GATB: variants seen among roughly 807,000 people sequenced by gnomAD.
GATB encodes the protein glutamyl-tRNA amidotransferase subunit B.
A neutral mutation model predicts 62.3 loss-of-function variants in GATB; 39 were observed. The ratio of observed to expected loss-of-function variants is 0.63; its 90% CI spans 0.48 to 0.82. The LOEUF (loss-of-function observed/expected upper bound fraction) is 0.82. Among genes scored for constraint, GATB ranks in the 40% least tolerant of loss-of-function variants. The probability of loss-of-function intolerance (pLI) is 0.00; values close to 1 mark genes in which losing one functional copy is unlikely to be tolerated. For missense variants in GATB, 670 were observed against 684.0 expected (o/e 0.98, Z 0.23); for synonymous variants, 276 against 258.9 (o/e 1.07, Z -0.63).
intron 7 of GATB, 82 bp from the exon 8 acceptor site, chr4:151,703,977 T>C (rs1372600374): frequency 1.1e-6 from 1 of 893,420 alleles, no homozygotes; most frequent in Non-Finnish European, 1.8e-6. Context: ...CCCCTACCAA[T>C]AAGGGGCACA....
Position 151,761,001 on chromosome 4 carries a change from G to C in GATB, c.-19C>G, listed in dbSNP as rs751652972. Reference sequence around the variant, plus strand: ...CCGCCATTGTAACTCCAGGGTCTTGGTCAGGTGACTCAGCCTCACTATGCC... The same window carrying C: ...CCGCCATTGTAACTCCAGGGTCTTGCTCAGGTGACTCAGCCTCACTATGCC... On this transcript the variant is annotated 5_prime_UTR_variant, in exon 1 of 13. Transcript: ENST00000263985. 1.9e-6 allele frequency: 3 copies of C among 1,596,244 alleles called. No homozygotes were observed. In the East Asian group the frequency reaches 6.7e-5, roughly 36 times the overall value.
chr4:151,701,712 C>G (rs150700088), intron 8 of GATB, among the ~76,000 whole-genome samples, 194 bp from the exon 9 acceptor site: 7 of 152,302 alleles, frequency 4.6e-5, no homozygotes, highest in Non-Finnish European at 8.8e-5. Flanking sequence ...AAACCCACCC[C>G]TCTCCATGCT....
intron 5 of GATB, among the ~76,000 whole-genome samples, chr4:151,715,659 G>A (rs1738897930): frequency 6.6e-6 from 1 of 152,182 alleles, no homozygotes; most frequent in Admixed American, 6.5e-5. Context: ...ATTATGAAGT[G>A]CTATCTATAC....
intron 2 of GATB, chr4:151,720,050 G>A (rs62327350): frequency 0.24 from 37,107 of 152,410 alleles, 5,180 homozygotes; most frequent in Non-Finnish European, 0.32. Context: ...CTGTTGCCTG[G>A]CTTTCTGTCC....
rs1560847715 is a variant in GATB, at chr4:151,697,957, A to ATG, written c.1197+3371_1197+3372insCA. Among the ~76,000 whole-genome samples the ATG allele has an allele frequency of 1.6e-3, 81 of 49,688 alleles. 5 individuals are homozygous for ATG. The highest frequency in any genetic ancestry group is 6.8e-3 in the African/African-American group (77 of 11,250). 32.6% of individuals were successfully genotyped at this position (49,688 alleles called of 152,430 possible). A position where few individuals can be genotyped will look rare whatever the true frequency, so the allele number is the denominator to read the frequency against. Reference sequence around the variant, plus strand: ...TATATATGTGTGTGTGTGTGTGTATATATATATATATATATATATATATAT... The same window carrying ATG: ...TATATATGTGTGTGTGTGTGTGTATATGTATATATATATATATATATATATAT... On this transcript the variant is annotated intron_variant, in intron 9 of 12. Transcript: ENST00000263985.
At chr4:151,712,111 G>T (rs1738829858) in intron 5 of GATB, among the ~76,000 whole-genome samples, 1 of 152,178 alleles carries the variant, frequency 6.6e-6, no homozygotes, top group South Asian at 2.1e-4. Flanking sequence ...TTCTAATTTG[G>T]AAGAGGAATA....
chr4:151,724,210 C>T (rs957011077), intron 2 of GATB: 2 of 147,964 alleles, frequency 1.4e-5, no homozygotes, highest in Non-Finnish European at 1.5e-5. Context: ...CACTTTCAAA[C>T]AAATCACCAA....
intron 2 of GATB, among the ~76,000 whole-genome samples, chr4:151,735,029 T>C (rs1363520140): frequency 6.6e-6 from 1 of 152,038 alleles, no homozygotes; most frequent in Non-Finnish European, 1.5e-5. Context: ...TAGGCAAGGA[T>C]TTCATGACCA....
intron 2 of GATB, among the ~76,000 whole-genome samples, chr4:151,732,562 C>T (rs889264829): frequency 6.6e-6 from 1 of 151,870 alleles, no homozygotes; most frequent in African/African-American, 2.4e-5. Context: ...TCTCAAGTAC[C>T]CAGGGACACA....
chr4:151,759,545 G>A (rs559797454), intron 1 of GATB, among the ~76,000 whole-genome samples: 8 of 152,130 alleles, frequency 5.3e-5, no homozygotes, highest in Admixed American at 2.6e-4. Flanking sequence ...CATCTGATGC[G>A]GCATATTTTT....
chr4:151,684,494 T>C (rs1738205156), intron 10 of GATB, among the ~76,000 whole-genome samples: 1 of 152,242 alleles, frequency 6.6e-6, no homozygotes, highest in Admixed American at 6.5e-5. Context: ...CAATTTGATC[T>C]CCAGAGTGTT....
intron 12 of GATB, among the ~76,000 whole-genome samples, chr4:151,671,603 C>T (rs1194874052): frequency 2.0e-5 from 3 of 152,052 alleles, no homozygotes; most frequent in Admixed American, 6.6e-5. Context: ...CCACAATGAC[C>T]GAGGACACTG....
chr4:151,719,560 T>C, intron 2 of GATB, 22 bp from the exon 3 acceptor site: 2 of 1,515,970 alleles, frequency 1.3e-6, no homozygotes, highest in Non-Finnish European at 1.8e-6. Context: ...CAACACACAG[T>C]TCCTCTCAGA....
intron 7 of GATB, among the ~76,000 whole-genome samples, chr4:151,704,795 C>T (rs2126970758): frequency 6.6e-6 from 1 of 151,646 alleles, no homozygotes; most frequent in Admixed American, 6.6e-5. Context: ...GTCGCCCAGG[C>T]TGGAGTGCGG....
chr4:151,724,567 A>C (rs1046521524), intron 2 of GATB: 4 of 152,194 alleles, frequency 2.6e-5, no homozygotes, highest in African/African-American at 9.7e-5. Flanking sequence ...CTCTTCCTCC[A>C]GTCCCCCTGA....
chr4:151,749,890 TG>T (rs1276594029), intron 2 of GATB, among the ~76,000 whole-genome samples: 5 of 152,180 alleles, frequency 3.3e-5, no homozygotes, highest in East Asian at 1.9e-4. Context: ...TTTTGTGTTT[TG>T]TTTTTTTTTG....
At chr4:151,689,837 A>G (rs1181283756) in intron 9 of GATB, among the ~76,000 whole-genome samples, 4 of 152,272 alleles carry the variant, frequency 2.6e-5, no homozygotes, top group South Asian at 2.1e-4. Flanking sequence ...ACCAGGTTCT[A>G]TACTACAGCT....
chr4:151,746,913 A>G (rs1176100948), intron 2 of GATB, among the ~76,000 whole-genome samples: 2 of 152,176 alleles, frequency 1.3e-5, no homozygotes, highest in Admixed American at 6.5e-5. Context: ...GCCCAGAGCC[A>G]AGCTCAAAGC....
At chr4:151,749,805 T>C (rs1739676991) in intron 2 of GATB, among the ~76,000 whole-genome samples, 1 of 152,102 alleles carries the variant, frequency 6.6e-6, no homozygotes, top group Non-Finnish European at 1.5e-5. Context: ...CTGGAGACAT[T>C]GTCTGCTTTC....
Sources: allele counts gnomAD v4.1 joint callset (sites outside exome capture counted in the v4.1 genomes callset), GRCh38; gene constraint gnomAD v4.1.1; transcripts MANE v1.5; gene names NCBI Gene and HGNC (gene_info 2026-07-23, HGNC 2026-07-21).